The following ADAM29 variants were observed in gnomAD, a reference collection of about 807,000 sequenced individuals.
ADAM29 encodes ADAM metallopeptidase domain 29.
For missense variants in ADAM29, 969 were observed against 1,001.8 expected (o/e 0.97, Z 0.44); for synonymous variants, 367 against 342.3 (o/e 1.07, Z -0.80).
intron 2 of ADAM29, among the ~76,000 whole-genome samples, chr4:174,926,130 T>C (rs1743504006): frequency 6.6e-6 from 1 of 152,204 alleles, no homozygotes; most frequent in African/African-American, 2.4e-5. Context: ...AACAATTATG[T>C]ATTGAATAAG....
intron 4 of ADAM29, among the ~76,000 whole-genome samples, chr4:174,971,115 C>T (rs1746454718): frequency 6.6e-6 from 1 of 151,962 alleles, no homozygotes; most frequent in African/African-American, 2.4e-5. Context: ...GACTTTTATA[C>T]TAGAATTAAA....
intron 4 of ADAM29, among the ~76,000 whole-genome samples, chr4:174,953,182 A>G (rs1044295593): frequency 2.0e-5 from 3 of 152,060 alleles, no homozygotes; most frequent in African/African-American, 7.2e-5. Flanking sequence ...GCTACTTGGG[A>G]GGCTGAGGCA....
At chr4:174,919,820 T>G (rs1743068721) in intron 1 of ADAM29, among the ~76,000 whole-genome samples, 1 of 152,282 alleles carries the variant, frequency 6.6e-6, no homozygotes, top group South Asian at 2.1e-4. Context: ...TGTTACATAA[T>G]CCAATCACTC....
intron 4 of ADAM29, among the ~76,000 whole-genome samples, chr4:174,964,087 A>C (rs569417758): frequency 6.6e-4 from 101 of 152,056 alleles, no homozygotes; most frequent in African/African-American, 2.4e-3. Context: ...GGATAATAAA[A>C]TTTTTTTTCT....
intron 4 of ADAM29, among the ~76,000 whole-genome samples, chr4:174,973,234 T>A (rs147071703): frequency 7.3e-4 from 111 of 152,274 alleles, no homozygotes; most frequent in African/African-American, 2.5e-3. Flanking sequence ...ACAGACGTAA[T>A]TCGTGTATAA....
intron 1 of ADAM29, among the ~76,000 whole-genome samples, chr4:174,920,243 G>C (rs780318646): frequency 1.3e-5 from 2 of 152,086 alleles, no homozygotes; most frequent in Non-Finnish European, 2.9e-5. Flanking sequence ...CTTGATGGAG[G>C]CTTCTACTAA....
At position 174,959,475 on chromosome 4, in the gene ADAM29, GTGTGTGTGTT is replaced by G. The variant is rs1374102985; in HGVS notation, c.-180-15863_-180-15854del. Among the ~76,000 whole-genome samples the G allele has an allele frequency of 4.9e-3, 747 of 151,308 alleles. 8 individuals carry two copies. Among genetic ancestry groups the G allele is most frequent in the African/African-American group, 0.016 (678 of 41,204 alleles). ...AGAAAGACTGTGTGTGTGTGTGTGTGTGTGTGTGTTTGTGTGTTTGTGTGTGTCTGAATGA... is the reference window on the plus strand; with the variant it reads ...AGAAAGACTGTGTGTGTGTGTGTGTGTGTGTGTTTGTGTGTGTCTGAATGA... On this transcript the variant is annotated intron_variant, in intron 4 of 4. Transcript: ENST00000359240.
intron 4 of ADAM29, among the ~76,000 whole-genome samples, chr4:174,969,346 C>G (rs1426402378): frequency 6.6e-6 from 1 of 151,544 alleles, no homozygotes; most frequent in Non-Finnish European, 1.5e-5. Flanking sequence ...AAAAAAACTT[C>G]TACATAGGAT....
In ADAM29 at chr4:174,977,284, C is replaced by CAT. The variant is rs1269646449; in HGVS notation, c.1760_1761dup (p.Leu588IlefsTer4). 5.0e-6 allele frequency: 8 copies of CAT among 1,613,626 alleles called. No individual in the cohort carries two copies. The Middle Eastern group carries it at 4.9e-4, about 99-fold the overall frequency. On this transcript the variant is annotated frameshift_variant, in exon 5 of 5. Coordinates refer to ENST00000359240, the MANE Select transcript of ADAM29 (RefSeq NM_014269.4). LOFTEE classifies it low-confidence loss of function (END_TRUNC). ...CATAATGTGCTGGAGTACTGATTACCATTTGGGGATGAAGGGACCTGATAT... is the reference window on the plus strand; with the variant it reads ...CATAATGTGCTGGAGTACTGATTACCATATTTGGGGATGAAGGGACCTGATAT...
At chr4:174,973,164 C>T (rs755306026) in intron 4 of ADAM29, among the ~76,000 whole-genome samples, 59 of 152,188 alleles carry the variant, frequency 3.9e-4, no homozygotes, top group Non-Finnish European at 6.3e-4. Context: ...CCAGATGAAA[C>T]CACCATCTCC....
intron 4 of ADAM29, among the ~76,000 whole-genome samples, chr4:174,955,695 C>T (rs1447990151): frequency 6.6e-6 from 1 of 151,898 alleles, no homozygotes; most frequent in Non-Finnish European, 1.5e-5. Flanking sequence ...TCTGCATGTA[C>T]TTTTTGAAAA....
At chr4:174,918,772 C>A (rs1743012725) in intron 1 of ADAM29, among the ~76,000 whole-genome samples, 2 of 151,624 alleles carry the variant, frequency 1.3e-5, no homozygotes, top group African/African-American at 4.9e-5. Flanking sequence ...GAAAAAAAAA[C>A]ACAGGGCAGT....
intron 4 of ADAM29, 35 bp downstream of exon 4, chr4:174,937,048 A>T (rs1432675171): frequency 6.6e-6 from 1 of 152,044 alleles, no homozygotes; most frequent in Non-Finnish European, 1.5e-5. Context: ...TTCTTAGTAC[A>T]AGGGGGTTTT....
At chr4:174,939,056 A>C (rs4525948) in intron 4 of ADAM29, among the ~76,000 whole-genome samples, 137,829 of 152,086 alleles carry the variant, frequency 0.91, 62,581 homozygotes, top group East Asian at 0.96. Flanking sequence ...TAGGGCACAC[A>C]ATAATCCAGG....
At chr4:174,943,209 A>G (rs899759238) in intron 4 of ADAM29, among the ~76,000 whole-genome samples, 5 of 152,176 alleles carry the variant, frequency 3.3e-5, no homozygotes, top group African/African-American at 1.2e-4. Context: ...TGGAAGTTCC[A>G]AACTTTCCCA....
chr4:174,923,677 G>A (rs1389098013), intron 2 of ADAM29: 2 of 151,594 alleles, frequency 1.3e-5, no homozygotes, highest in Non-Finnish European at 1.5e-5. Flanking sequence ...CTTTCTCTTT[G>A]GGATATGATT....
chr4:174,932,558 CA>C (rs1461804013), intron 3 of ADAM29, among the ~76,000 whole-genome samples: 1 of 152,122 alleles, frequency 6.6e-6, no homozygotes, highest in African/African-American at 2.4e-5. Flanking sequence ...CAATCACTCC[CA>C]AAGGCCACAC....
intron 2 of ADAM29, among the ~76,000 whole-genome samples, chr4:174,927,199 T>C (rs948671808): frequency 6.6e-6 from 1 of 152,216 alleles, no homozygotes; most frequent in Non-Finnish European, 1.5e-5. Context: ...TGACAGTTCA[T>C]TATACACTCG....
intron 4 of ADAM29, among the ~76,000 whole-genome samples, chr4:174,947,862 G>GTGTAGT (rs970546457): frequency 6.6e-6 from 1 of 152,178 alleles, no homozygotes; most frequent in African/African-American, 2.4e-5. Context: ...CACTGTTATT[G>GTGTAGT]TGTAGTTGTC....
Sources: allele counts gnomAD v4.1 joint callset (sites outside exome capture counted in the v4.1 genomes callset), GRCh38; gene constraint gnomAD v4.1.1; transcripts MANE v1.5; gene names NCBI Gene and HGNC (gene_info 2026-07-23, HGNC 2026-07-21).